Variants in CDH10 observed in about 807,000 individuals in gnomAD.
The protein encoded by CDH10 is cadherin 10, also known as cadherin-10.
Under a neutral mutation model 73.1 loss-of-function variants are expected in CDH10, and 30 were observed. The ratio of observed to expected loss-of-function variants is 0.41; its 90% CI spans 0.31 to 0.56. CDH10 has a LOEUF of 0.56. CDH10 is among the 20% of genes least tolerant of loss of function. CDH10 has a pLI of 0.27. For synonymous variants in CDH10, 345 were observed against 348.2 expected (o/e 0.99, Z 0.10); for missense variants, 815 against 973.7 (o/e 0.84, Z 2.17).
chr5:24,517,394 G>T (rs1219504111), intron 5 of CDH10, among the ~76,000 whole-genome samples: 1 of 152,124 alleles, frequency 6.6e-6, no homozygotes, highest in Non-Finnish European at 1.5e-5. Flanking sequence ...TAAGTCTGAA[G>T]AATTGAAGGG....
At chr5:24,595,599 C>T (rs1176470296) in intron 1 of CDH10, among the ~76,000 whole-genome samples, 1 of 151,846 alleles carries the variant, frequency 6.6e-6, no homozygotes, top group Non-Finnish European at 1.5e-5. Flanking sequence ...AAAATAGTGG[C>T]TTTTATATGT....
At chr5:24,508,197 C>T (rs1352471808) in intron 7 of CDH10, among the ~76,000 whole-genome samples, 1 of 152,102 alleles carries the variant, frequency 6.6e-6, no homozygotes, top group African/African-American at 2.4e-5. Context: ...ATCCAAAATA[C>T]AAAATGGACT....
At chr5:24,543,833 G>A (rs1744240788) in intron 2 of CDH10, among the ~76,000 whole-genome samples, 2 of 152,278 alleles carry the variant, frequency 1.3e-5, no homozygotes, top group East Asian at 1.9e-4. Context: ...GAAGAAAAAT[G>A]AGGAGAATGG....
chr5:24,530,003 G>A (rs1019149529), intron 5 of CDH10, among the ~76,000 whole-genome samples: 24 of 144,800 alleles, frequency 1.7e-4, no homozygotes, highest in African/African-American at 6.0e-4. Flanking sequence ...GTGAATAAAA[G>A]GCTCTATTTT....
intron 5 of CDH10, among the ~76,000 whole-genome samples, chr5:24,521,499 C>T (rs1561138716): frequency 2.0e-5 from 3 of 151,990 alleles, no homozygotes; most frequent in Middle Eastern, 3.2e-3. Context: ...CCCAGCTACT[C>T]GGAAGGCTGA....
chr5:24,586,434 C>CTTTTTTTT (rs35486231), intron 2 of CDH10, among the ~76,000 whole-genome samples: 84 of 100,382 alleles, frequency 8.4e-4, no homozygotes, highest in East Asian at 2.1e-3. Flanking sequence ...TTATTAACTC[C>CTTTTTTTT]TTTTTTTTTT....
chr5:24,558,273 T>G (rs1415828000), intron 2 of CDH10, among the ~76,000 whole-genome samples: 1 of 151,674 alleles, frequency 6.6e-6, no homozygotes, highest in Non-Finnish European at 1.5e-5. Context: ...GAATATTTTG[T>G]TATATAGAAA....
intron 6 of CDH10, among the ~76,000 whole-genome samples, chr5:24,510,072 G>A (rs1389177642): frequency 6.6e-6 from 1 of 152,152 alleles, no homozygotes; most frequent in Admixed American, 6.5e-5. Context: ...AAATTGGGAT[G>A]GAAGCTGAAA....
At chr5:24,609,949 C>G (rs762346707) in intron 1 of CDH10, 1 of 152,268 alleles carries the variant, frequency 6.6e-6, no homozygotes, top group African/African-American at 2.4e-5. Flanking sequence ...GCTACAGCAT[C>G]TGGTCACCAT....
chr5:24,584,728 C>T (rs1579843409), intron 2 of CDH10, among the ~76,000 whole-genome samples: 1 of 152,016 alleles, frequency 6.6e-6, no homozygotes, highest in African/African-American at 2.4e-5. Flanking sequence ...CTTGGCCTCC[C>T]GAAGTGCTGG....
At position 24,488,048 on chromosome 5, in the gene CDH10, C is replaced by T. The variant is rs1741909485; in HGVS notation, c.1982G>A (p.Gly661Asp). 1 of 1,613,968 alleles carries T rather than the reference C, an allele frequency of 6.2e-7. No individual in the cohort carries two copies. Among genetic ancestry groups the T allele is most frequent in the Non-Finnish European group, 8.5e-7 (1 of 1,179,952 alleles). ...GGCCTGGGTGTCCTCCTCTCCACCACCCTCATCGTTATAGCTCACAATGTT... is the reference window on the plus strand; with the variant it reads ...GGCCTGGGTGTCCTCCTCTCCACCATCCTCATCGTTATAGCTCACAATGTT... Reference protein sequence around the residue: ...RDNIVSYNDEGGGEEDTQAFD... With the variant: ...RDNIVSYNDEDGGEEDTQAFD... Residue 661 changes from glycine (G) to aspartate (D), a missense_variant, in exon 12 of 12, where the codon GGT becomes GAT. Gly to Asp is a moderately conservative substitution (Grantham distance 94, BLOSUM62 -1). This residue lies in a region of CDH10 where 241 missense variants were observed against 240.3 expected (regional missense o/e 1.00). Transcript: ENST00000264463.
chr5:24,559,503 T>C (rs1465266679), intron 2 of CDH10, among the ~76,000 whole-genome samples: 18 of 152,064 alleles, frequency 1.2e-4, no homozygotes, highest in Non-Finnish European at 4.4e-5. Context: ...ATTGAACTGA[T>C]TCACACTGCA....
At position 24,538,177 on chromosome 5, in the gene CDH10, A is replaced by C. The variant is rs1231814540; in HGVS notation, c.232-503T>G. 2.0e-5 allele frequency among the ~76,000 whole-genome samples: 3 copies of C among 152,132 alleles called. No individual in the cohort carries two copies. The East Asian group carries it at 5.8e-4, about 29-fold the overall frequency. ...CTGTAGGAGACAAAGTTCTTACTTT[A>C]AAAACAACATACATTATTTTTTGGT... On this transcript the variant is annotated intron_variant, in intron 2 of 11. Transcript: ENST00000264463.
At chr5:24,633,976 T>C (rs139793931) in intron 1 of CDH10, among the ~76,000 whole-genome samples, 66 of 151,990 alleles carry the variant, frequency 4.3e-4, no homozygotes, top group African/African-American at 1.4e-3. Flanking sequence ...AATAGAATTT[T>C]ACCAGAAATA....
chr5:24,516,525 G>A (rs1317859015), intron 5 of CDH10, among the ~76,000 whole-genome samples: 1 of 151,856 alleles, frequency 6.6e-6, no homozygotes, highest in Non-Finnish European at 1.5e-5. Flanking sequence ...CTTCTACGAG[G>A]AAAAGCTGCC....
intron 2 of CDH10, among the ~76,000 whole-genome samples, chr5:24,541,002 C>A (rs935446970): frequency 6.6e-6 from 1 of 151,588 alleles, no homozygotes; most frequent in Non-Finnish European, 1.5e-5. Flanking sequence ...TAAAAAAAAA[C>A]CTTACACTTC....
At chr5:24,563,902 G>C (rs1163219148) in intron 2 of CDH10, among the ~76,000 whole-genome samples, 2 of 151,840 alleles carry the variant, frequency 1.3e-5, no homozygotes, top group African/African-American at 4.8e-5. Context: ...CTTCTCCAAT[G>C]GGTTGTAACC....
At chr5:24,561,671 G>C (rs1207872918) in intron 2 of CDH10, among the ~76,000 whole-genome samples, 1 of 152,080 alleles carries the variant, frequency 6.6e-6, no homozygotes, top group East Asian at 1.9e-4. Context: ...CCCACGTTAA[G>C]ATTAAATGCA....
At chr5:24,565,028 C>G (rs10473699) in intron 2 of CDH10, among the ~76,000 whole-genome samples, 46,043 of 152,020 alleles carry the variant, frequency 0.3, 7,123 homozygotes, top group South Asian at 0.34. Flanking sequence ...CCTCTCCTGA[C>G]TCTCTACATC....
Sources: gnomAD v4.1 joint callset for allele counts (sites outside exome capture counted in the v4.1 genomes callset) on GRCh38, gnomAD v4.1.1 for gene constraint, gnomAD v4.1.1 regional missense constraint, MANE v1.5 for transcripts, NCBI Gene and HGNC (gene_info 2026-07-23, HGNC 2026-07-21) for gene names.